The following ZNF892 variants were observed in gnomAD, a reference collection of about 807,000 sequenced individuals.
The protein encoded by ZNF892 is zinc finger protein 892.
the ZNF892 span, among the ~76,000 whole-genome samples, chr2:95,211,265 A>G: frequency 6.6e-6 from 1 of 152,370 alleles, no homozygotes; most frequent in African/African-American, 2.4e-5. Context: ...AAAATACTTA[A>G]TTCATAATTA....
At chr2:95,259,434 C>A in the ZNF892 span, 2 of 152,486 alleles carry the variant, frequency 1.3e-5, no homozygotes, top group Admixed American at 6.5e-5. Flanking sequence ...TTCAGGGTCT[C>A]CCCCATGGAG....
At chr2:95,255,358 G>T in the ZNF892 span, among the ~76,000 whole-genome samples, 3 of 152,140 alleles carry the variant, frequency 2.0e-5, no homozygotes, top group Non-Finnish European at 1.5e-5. Context: ...TTCAGGAGCA[G>T]GTTGTTCAGT....
chr2:95,241,311 A>G, the ZNF892 span, among the ~76,000 whole-genome samples: 2 of 152,232 alleles, frequency 1.3e-5, no homozygotes, highest in African/African-American at 2.4e-5. Flanking sequence ...TTGCTGTTTC[A>G]TAGCCTTCAC....
chr2:95,254,379 A>C, the ZNF892 span, among the ~76,000 whole-genome samples: 1 of 152,214 alleles, frequency 6.6e-6, no homozygotes, highest in African/African-American at 2.4e-5. Flanking sequence ...ATGCTGGATT[A>C]CGTTTATTGA....
At chr2:95,248,495 A>G in the ZNF892 span, among the ~76,000 whole-genome samples, 4 of 152,320 alleles carry the variant, frequency 2.6e-5, no homozygotes, top group East Asian at 7.7e-4. Context: ...ATCTAAAACA[A>G]CAGATGAAAT....
the ZNF892 span, among the ~76,000 whole-genome samples, chr2:95,248,725 C>A: frequency 6.6e-6 from 1 of 152,000 alleles, no homozygotes; most frequent in Admixed American, 6.6e-5. Flanking sequence ...ATAAGTAAAT[C>A]TATTTAATCC....
chr2:95,257,779 C>G, the ZNF892 span, among the ~76,000 whole-genome samples: 1 of 152,156 alleles, frequency 6.6e-6, no homozygotes, highest in Non-Finnish European at 1.5e-5. Flanking sequence ...GGGCGCCCCT[C>G]CCCCAGCCTC....
chr2:95,233,239 G>A, the ZNF892 span, among the ~76,000 whole-genome samples: 3 of 149,262 alleles, frequency 2.0e-5, no homozygotes, highest in South Asian at 2.1e-4. Flanking sequence ...TCACTCTGTC[G>A]CCCAGGTTGG....
chr2:95,257,538 G>A, the ZNF892 span, among the ~76,000 whole-genome samples: 2 of 152,350 alleles, frequency 1.3e-5, no homozygotes, highest in East Asian at 3.9e-4. Flanking sequence ...TGAGGAGGCA[G>A]TCTGTGCATT....
At chr2:95,250,103 A>G in the ZNF892 span, among the ~76,000 whole-genome samples, 11 of 152,262 alleles carry the variant, frequency 7.2e-5, no homozygotes, top group Non-Finnish European at 1.5e-4. Flanking sequence ...TTTAAAAATC[A>G]TGGAAGTAAG....
the ZNF892 span, among the ~76,000 whole-genome samples, chr2:95,229,480 C>A: frequency 6.6e-6 from 1 of 152,158 alleles, no homozygotes; most frequent in Non-Finnish European, 1.5e-5. Flanking sequence ...CCTCCCCATC[C>A]CTGTGGGTGA....
the ZNF892 span, among the ~76,000 whole-genome samples, chr2:95,245,454 G>T: frequency 6.3e-5 from 6 of 95,032 alleles, 2 homozygotes; most frequent in East Asian, 2.5e-4. Context: ...AGACGGCGGG[G>T]GGGGGGGGGT....
the ZNF892 span, among the ~76,000 whole-genome samples, chr2:95,220,988 A>G: frequency 5.3e-5 from 8 of 152,282 alleles, no homozygotes; most frequent in East Asian, 1.2e-3. Flanking sequence ...GTTCACTTTA[A>G]TTTGCCATAT....
chr2:95,215,276 GA>G, the ZNF892 span: 1 of 479,670 alleles, frequency 2.1e-6, no homozygotes, highest in Non-Finnish European at 3.7e-6. Flanking sequence ...ACACTGGGGA[GA>G]AACCCTATAA....
At chr2:95,258,478 T>G in the ZNF892 span, among the ~76,000 whole-genome samples, 1 of 152,122 alleles carries the variant, frequency 6.6e-6, no homozygotes, top group African/African-American at 2.4e-5. Flanking sequence ...TGGATTGTTA[T>G]AAATTGGGAA....
At chr2:95,226,670 A>C in the ZNF892 span, among the ~76,000 whole-genome samples, 1 of 152,184 alleles carries the variant, frequency 6.6e-6, no homozygotes, top group African/African-American at 2.4e-5. Context: ...CATTACCTCA[A>C]ATGCCAAACT....
chr2:95,234,879 G>C, the ZNF892 span, among the ~76,000 whole-genome samples: 1 of 152,232 alleles, frequency 6.6e-6, no homozygotes, highest in Admixed American at 6.5e-5. Context: ...AGGACTCAGG[G>C]AAACACATGA....
chr2:95,239,729 G>A, the ZNF892 span, among the ~76,000 whole-genome samples: 1 of 152,152 alleles, frequency 6.6e-6, no homozygotes, highest in Non-Finnish European at 1.5e-5. Flanking sequence ...CTGGGTTCAA[G>A]CAATTCTCCT....
At chr2:95,223,524 G>A in the ZNF892 span, among the ~76,000 whole-genome samples, 7 of 151,870 alleles carry the variant, frequency 4.6e-5, no homozygotes, top group South Asian at 4.2e-4. Context: ...TCAGTCTCTC[G>A]AGTAGCTGGG....
Sources: gnomAD v4.1 joint callset for allele counts (sites outside exome capture counted in the v4.1 genomes callset) on GRCh38, gnomAD v4.1.1 for gene constraint, MANE v1.5 for transcripts, NCBI Gene and HGNC (gene_info 2026-07-23, HGNC 2026-07-21) for gene names.